Variants in ATP2C2 observed in about 807,000 individuals in gnomAD.
ATP2C2 encodes calcium-transporting ATPase type 2C member 2.
ATP2C2 carries 171 observed loss-of-function variants against 110.8 expected under a neutral mutation model. The observed-to-expected ratio is 1.54, with a 90% CI of 1.36 to 1.75. ATP2C2 has a LOEUF of 1.75. Ranked by LOEUF, ATP2C2 falls within the 40% of genes most tolerant of loss-of-function variation. The pLI is 0.00. For missense variants in ATP2C2, 1,963 were observed against 1,235.0 expected (o/e 1.59, Z -8.84); for synonymous variants, 804 against 508.4 (o/e 1.58, Z -7.82).
chr16:84,448,368 T>G (rs1052484518), intron 16 of ATP2C2, among the ~76,000 whole-genome samples, 165 bp from the exon 17 acceptor site: 2 of 152,314 alleles, frequency 1.3e-5, no homozygotes, highest in African/African-American at 4.8e-5. Flanking sequence ...ATTCTAGAAC[T>G]TCGCGAACCT....
chr16:84,439,834 G>C (rs1193303340), intron 13 of ATP2C2, among the ~76,000 whole-genome samples: 1 of 151,980 alleles, frequency 6.6e-6, no homozygotes, highest in Non-Finnish European at 1.5e-5. Context: ...TCCATTTGTG[G>C]TTTGTTTGTT....
Position 84,428,661 on chromosome 16 carries a change from C to T in ATP2C2, c.986+2860C>T, listed in dbSNP as rs75212713. On this transcript the variant is annotated intron_variant, in intron 11 of 26. Transcript: ENST00000262429. ...GACAGACACTTGGAAAACCCCATCC[C>T]AGATAAATTCTAAGTCATAATAAGT... Among the ~76,000 whole-genome samples, 4 of 152,154 alleles carry T rather than the reference C, an allele frequency of 2.6e-5. No individual in the cohort carries two copies. In the East Asian group the frequency reaches 5.8e-4, roughly 22 times the overall value.
intron 1 of ATP2C2, among the ~76,000 whole-genome samples, chr16:84,379,469 C>T (rs1033631805): frequency 6.6e-6 from 1 of 152,184 alleles, no homozygotes; most frequent in Non-Finnish European, 1.5e-5. Flanking sequence ...CCTGGCTGAT[C>T]CTTTCTTTTG....
At position 84,463,894 on chromosome 16, in the gene ATP2C2, G is replaced by C. The variant is rs1427883940; in HGVS notation, c.*162G>C. ...AGCTGCAGGAACCTCGTGGGCTCCAGGGACCCAGGCCCACATCCATCCAGC... is the reference window on the plus strand; with the variant it reads ...AGCTGCAGGAACCTCGTGGGCTCCACGGACCCAGGCCCACATCCATCCAGC... On this transcript the variant is annotated 3_prime_UTR_variant, in exon 27 of 27. Transcript: ENST00000262429. 6.1e-6 allele frequency: 4 copies of C among 656,256 alleles called. No individual in the cohort carries two copies. The highest frequency in any genetic ancestry group is 7.9e-6 in the Non-Finnish European group (3 of 378,250). The allele number at this position is 656,256 out of a possible 1,614,324, so 40.7% of individuals were successfully genotyped here.
Position 84,454,965 on chromosome 16 carries a change from G to A in ATP2C2, c.2128G>A (p.Asp710Asn), listed in dbSNP as rs772614768. The A allele has an allele frequency of 2.5e-5, 40 of 1,613,618 alleles. No individual in the cohort carries two copies. The East Asian group carries it at 8.2e-4, about 33-fold the overall frequency. The stretch of plus-strand genomic sequence containing the variant: ...GGCCGCCAACATGATCCTGGTGGAT[G>A]ATGACTTCTCAGCCATCATGTAAGC... Reference protein sequence around the residue: ...KEAANMILVDDDFSAIMNAVE... With the variant: ...KEAANMILVDNDFSAIMNAVE... Residue 710 changes from aspartate to asparagine, a missense_variant, in exon 21 of 27, where the codon GAT (aspartate) becomes AAT (asparagine). Transcript: ENST00000262429.
In ATP2C2 at chr16:84,408,483, A is replaced by G; in HGVS notation, c.406A>G (p.Ser136Gly). Residue 136 changes from serine (S) to glycine (G), a missense_variant, in exon 4 of 27, where the codon AGC (serine) becomes GGC (glycine). Coordinates refer to ENST00000262429, the MANE Select transcript of ATP2C2 (RefSeq NM_014861.4). ...CACCAAGGAGTATGAGGACGCCGTC[A>G]GCATCGCCACGGTGAGTTCCCTGAC... ...VLTKEYEDAV[S>G]IATAVLVVVT... The G allele has an allele frequency of 6.2e-7, 1 of 1,613,232 alleles. No individual in the cohort carries two copies. The highest frequency in any genetic ancestry group is 8.5e-7 in the Non-Finnish European group (1 of 1,179,936).
chr16:84,463,337 C>T (rs1031426765), intron 26 of ATP2C2, among the ~76,000 whole-genome samples: 4 of 152,168 alleles, frequency 2.6e-5, no homozygotes, highest in Non-Finnish European at 5.9e-5. Context: ...ACTCATTCCC[C>T]TTCCAGCCCG....
At chr16:84,455,646 C>G (rs1177824099) in intron 21 of ATP2C2, among the ~76,000 whole-genome samples, 2 of 151,552 alleles carry the variant, frequency 1.3e-5, no homozygotes, top group African/African-American at 4.9e-5. Context: ...CTTTTTAAGC[C>G]TGATACAAAA....
rs186766529 is a variant in ATP2C2 at position 84,390,854 on chromosome 16, C to T, written c.100-7645C>T. Among the ~76,000 whole-genome samples the T allele has an allele frequency of 4.1e-3, 624 of 152,282 alleles. 9 individuals carry two copies. The highest frequency in any genetic ancestry group is 0.01 in the Middle Eastern group (3 of 294). ...GGGGGCCGGGCGCGGTGGCTCACGC[C>T]TGTAATCCCAGTACTTTGGGAGGCC... On this transcript the variant is annotated intron_variant, in intron 1 of 26. Transcript: ENST00000262429.
chr16:84,375,282 C>T (rs1385260917), intron 1 of ATP2C2, among the ~76,000 whole-genome samples: 1 of 152,196 alleles, frequency 6.6e-6, no homozygotes, highest in Non-Finnish European at 1.5e-5. Flanking sequence ...TGGGTCACGC[C>T]TGTAATCCCA....
chr16:84,386,538 C>T (rs1904329352), intron 1 of ATP2C2, among the ~76,000 whole-genome samples: 1 of 152,210 alleles, frequency 6.6e-6, no homozygotes, highest in African/African-American at 2.4e-5. Context: ...GCACTGGCCA[C>T]CCTTGAGCAA....
intron 6 of ATP2C2, among the ~76,000 whole-genome samples, chr16:84,413,428 C>G (rs10514606): frequency 0.12 from 17,781 of 152,140 alleles, 1,042 homozygotes; most frequent in Middle Eastern, 0.17. Context: ...TGACCCACAT[C>G]ACAGAGGGTG....
intron 2 of ATP2C2, among the ~76,000 whole-genome samples, chr16:84,400,177 C>G (rs1905229357): frequency 6.6e-6 from 1 of 152,158 alleles, no homozygotes; most frequent in Non-Finnish European, 1.5e-5. Context: ...TTGATGGATA[C>G]TTAGGCTCCT....
chr16:84,433,777 G>A (rs1246568911), intron 11 of ATP2C2, among the ~76,000 whole-genome samples: 3 of 152,218 alleles, frequency 2.0e-5, no homozygotes, highest in Admixed American at 6.5e-5. Context: ...CAAGAAAGAC[G>A]ATTAAATATT....
chr16:84,382,632 A>G (rs1910644586), intron 1 of ATP2C2, among the ~76,000 whole-genome samples: 1 of 152,140 alleles, frequency 6.6e-6, no homozygotes, highest in African/African-American at 2.4e-5. Flanking sequence ...GGTGGCTCAC[A>G]CCTGTAATCC....
At chr16:84,384,430 G>C (rs180904906) in intron 1 of ATP2C2, among the ~76,000 whole-genome samples, 47 of 152,338 alleles carry the variant, frequency 3.1e-4, no homozygotes, top group African/African-American at 1.1e-3. Context: ...CCTGTGGCAC[G>C]ATACTGTGTC....
intron 1 of ATP2C2, among the ~76,000 whole-genome samples, chr16:84,377,734 G>A (rs1350489342): frequency 6.6e-6 from 1 of 151,180 alleles, no homozygotes; most frequent in Non-Finnish European, 1.5e-5. Flanking sequence ...TGGGAATGGT[G>A]GGGGGGTTGG....
At chr16:84,403,754 G>C (rs190703865) in intron 2 of ATP2C2, among the ~76,000 whole-genome samples, 51 of 151,436 alleles carry the variant, frequency 3.4e-4, no homozygotes, top group African/African-American at 1.2e-3. Flanking sequence ...GCAATGGCGC[G>C]ATCTCAGCTC....
At chr16:84,438,998 T>C in intron 11 of ATP2C2, 168 bp from the exon 12 acceptor site, 1 of 971,054 alleles carries the variant, frequency 1.0e-6, no homozygotes, top group Admixed American at 2.5e-5. Flanking sequence ...GGACAGTGGG[T>C]GCTGCAGAAG....
Sources: allele counts gnomAD v4.1 joint callset (sites outside exome capture counted in the v4.1 genomes callset), GRCh38; gene constraint gnomAD v4.1.1; transcripts MANE v1.5; gene names NCBI Gene and HGNC (gene_info 2026-07-23, HGNC 2026-07-21).